Variants in USP42 observed in about 807,000 individuals in gnomAD.
The protein encoded by USP42 is ubiquitin specific peptidase 42.
Under a neutral mutation model 113.0 loss-of-function variants are expected in USP42, and 23 were observed. That is an observed-to-expected ratio of 0.20 (90% CI 0.15 to 0.29). The LOEUF (loss-of-function observed/expected upper bound fraction) is 0.29, where lower values mean the gene tolerates loss of function less well. Ranked by LOEUF, USP42 falls within the 10% of genes least tolerant of loss-of-function variation. The pLI is 1.00. For synonymous variants in USP42, 933 were observed against 699.0 expected (o/e 1.33, Z -5.28); for missense variants, 2,174 against 1,779.8 (o/e 1.22, Z -3.99).
At chr7:6,129,003 G>T (rs1780694597) in intron 3 of USP42, among the ~76,000 whole-genome samples, 1 of 152,018 alleles carries the variant, frequency 6.6e-6, no homozygotes, top group Admixed American at 6.6e-5. Context: ...GTAGAGACAG[G>T]GTTTCACCAT....
chr7:6,161,015 T>C lies in USP42; in HGVS notation c.*497T>C, dbSNP rs564695754. The stretch of plus-strand genomic sequence containing the variant: ...GGAGAGCAGTCTGTTTTCTGTAATG[T>C]CTGATACTAGAAACTAATTTGCTTA... On this transcript the variant is annotated 3_prime_UTR_variant, in exon 18 of 18. Transcript: ENST00000306177. The C allele has an allele frequency of 6.5e-6, 1 of 152,800 alleles. No individual in the cohort carries two copies. Among genetic ancestry groups the C allele is most frequent in the East Asian group, 1.9e-4 (1 of 5,196 alleles). The allele number at this position is 152,800 out of a possible 1,614,324, so 9.5% of individuals were successfully genotyped here. A position where few individuals can be genotyped will look rare whatever the true frequency, so the allele number is the denominator to read the frequency against.
chr7:6,087,831 G>A, the USP42 span, among the ~76,000 whole-genome samples: 2 of 151,188 alleles, frequency 1.3e-5, no homozygotes, highest in East Asian at 1.9e-4. Flanking sequence ...AGGAACATAT[G>A]TTTGATACTA....
chr7:6,146,728 G>A (rs779067574), intron 11 of USP42, among the ~76,000 whole-genome samples: 16 of 152,208 alleles, frequency 1.1e-4, no homozygotes, highest in Non-Finnish European at 1.9e-4. Context: ...GTGTCTGAGC[G>A]GGATGATGAG....
At chr7:6,128,354 C>T (rs954257730) in intron 3 of USP42, 2 of 151,910 alleles carry the variant, frequency 1.3e-5, no homozygotes, top group Non-Finnish European at 2.9e-5. Context: ...CCTCCAACTC[C>T]TGGGCTCTAG....
At chr7:6,098,166 G>C in the USP42 span, among the ~76,000 whole-genome samples, 2 of 149,692 alleles carry the variant, frequency 1.3e-5, 1 homozygote, top group African/African-American at 5.0e-5. Flanking sequence ...GCCTCCCAAA[G>C]TGCTGGGATT....
chr7:6,091,988 T>C, the USP42 span, among the ~76,000 whole-genome samples: 13 of 47,720 alleles, frequency 2.7e-4, no homozygotes, highest in African/African-American at 7.2e-4. Context: ...TTTCTTCTTC[T>C]TCTTCTTCTT....
At chr7:6,146,356 AGCAGCTT>A in intron 11 of USP42, 108 bp downstream of exon 11, 8 of 754,510 alleles carry the variant, frequency 1.1e-5, no homozygotes, top group Non-Finnish European at 1.7e-5. Context: ...AAAAAAACCC[AGCAGCTT>A]AAAGATCAAC....
At chr7:6,096,113 A>G in the USP42 span, among the ~76,000 whole-genome samples, 1 of 150,776 alleles carries the variant, frequency 6.6e-6, no homozygotes, top group African/African-American at 2.5e-5. Flanking sequence ...ATCTGGGCAG[A>G]TGTTCGTGTT....
At chr7:6,105,893 GT>G (rs751878108) in intron 1 of USP42, among the ~76,000 whole-genome samples, 6 of 152,288 alleles carry the variant, frequency 3.9e-5, no homozygotes, top group African/African-American at 7.2e-5. Context: ...GGGGTCACTT[GT>G]TTATGGGAAA....
At chr7:6,096,935 T>TC in the USP42 span, among the ~76,000 whole-genome samples, 5 of 150,034 alleles carry the variant, frequency 3.3e-5, no homozygotes, top group Non-Finnish European at 7.4e-5. Context: ...TTCTTTTCTT[T>TC]TTTTTTTTGA....
chr7:6,156,211 T>G (rs546267747), intron 15 of USP42, among the ~76,000 whole-genome samples: 1 of 152,256 alleles, frequency 6.6e-6, no homozygotes, highest in East Asian at 1.9e-4. Flanking sequence ...CAGTGGTTAT[T>G]GGAGGGAAAA....
the USP42 span, among the ~76,000 whole-genome samples, chr7:6,088,175 G>T: frequency 6.6e-6 from 1 of 151,122 alleles, no homozygotes; most frequent in Non-Finnish European, 1.5e-5. Flanking sequence ...AGCTATGATT[G>T]CTCCAGTGCA....
At chr7:6,153,041 C>T (rs544648644) in intron 14 of USP42, 5 of 795,696 alleles carry the variant, frequency 6.3e-6, no homozygotes, top group East Asian at 1.3e-4. Flanking sequence ...GAGGCTGAGG[C>T]GGGCGGATCA....
intron 1 of USP42, among the ~76,000 whole-genome samples, chr7:6,107,162 G>C (rs972428701): frequency 6.6e-6 from 1 of 152,080 alleles, no homozygotes; most frequent in Non-Finnish European, 1.5e-5. Flanking sequence ...AATGCTGTAT[G>C]GTTAATGATG....
intron 3 of USP42, among the ~76,000 whole-genome samples, chr7:6,120,829 C>T (rs925802216): frequency 2.6e-5 from 4 of 152,168 alleles, no homozygotes; most frequent in Admixed American, 2.0e-4. Context: ...AATGATCCAC[C>T]TGCCTCGGCC....
At chr7:6,089,056 T>C in the USP42 span, among the ~76,000 whole-genome samples, 19 of 150,652 alleles carry the variant, frequency 1.3e-4, no homozygotes, top group African/African-American at 4.7e-4. Context: ...TTTATATTTA[T>C]CTTTTTGAAA....
In USP42 at chr7:6,149,814, A is replaced by G; in HGVS notation, c.1618A>G (p.Asn540Asp). 2 of 1,613,992 alleles carry G rather than the reference A, an allele frequency of 1.2e-6. No homozygotes were observed. The highest frequency in any genetic ancestry group is 1.3e-5 in the African/African-American group (1 of 75,032). The change falls in exon 13 of 18, where the codon AAC becomes GAC. Residue 540 changes from asparagine (N) to aspartate (D), a missense_variant. Coordinates refer to ENST00000306177, the MANE Select transcript of USP42 (RefSeq NM_032172.3). The part of the protein sequence containing the change: ...LPVRQCQSQP[N>D]LHSNSLENPT... ...TGTTCGCCAGTGTCAGTCTCAACCTAACCTTCATAGTAATTCTTTGGAGAA... is the reference window on the plus strand; with the variant it reads ...TGTTCGCCAGTGTCAGTCTCAACCTGACCTTCATAGTAATTCTTTGGAGAA...
chr7:6,123,352 C>T (rs113414472), intron 3 of USP42, among the ~76,000 whole-genome samples: 10 of 152,010 alleles, frequency 6.6e-5, no homozygotes, highest in African/African-American at 2.2e-4. Context: ...GTGAGACCCT[C>T]TCTGTATAAT....
Position 6,158,530 on chromosome 7 carries a change from T to C in USP42, c.3944-920T>C, listed in dbSNP as rs1782589816. Among the ~76,000 whole-genome samples, 1 of 152,034 alleles carries C rather than the reference T, an allele frequency of 6.6e-6. No homozygotes were observed. Among genetic ancestry groups the C allele is most frequent in the Non-Finnish European group, 1.5e-5 (1 of 68,006 alleles). On this transcript the variant is annotated intron_variant, in intron 16 of 17. Coordinates refer to ENST00000306177, the MANE Select transcript of USP42 (RefSeq NM_032172.3). The surrounding 1 kb of genome is among the most constrained non-coding windows in gnomAD (Gnocchi z 4.2). ...CCAGCATGCATTGTTGATTGAGGGGTAAACGGTCCTTAGAGTGTGTGAGAG... is the reference window on the plus strand; with the variant it reads ...CCAGCATGCATTGTTGATTGAGGGGCAAACGGTCCTTAGAGTGTGTGAGAG...
Sources: gnomAD v4.1 joint callset for allele counts (sites outside exome capture counted in the v4.1 genomes callset) on GRCh38, gnomAD v4.1.1 for gene constraint, Gnocchi (gnomAD v3.1) non-coding constraint, MANE v1.5 for transcripts, NCBI Gene and HGNC (gene_info 2026-07-23, HGNC 2026-07-21) for gene names.